The following BDKRB2 variants were observed in gnomAD, a reference collection of about 807,000 sequenced individuals.
The protein encoded by BDKRB2 is B2 bradykinin receptor.
BDKRB2 carries 6 observed loss-of-function variants against 4.0 expected under a neutral mutation model. The observed-to-expected ratio is 1.49, with a 90% CI of 0.81 to 2.93. The LOEUF (loss-of-function observed/expected upper bound fraction) is 2.93. Among genes scored for constraint, BDKRB2 ranks in the 30% most tolerant of loss-of-function variants. The pLI is 0.00. For missense variants in BDKRB2, 478 were observed against 520.1 expected (o/e 0.92, Z 0.79); for synonymous variants, 225 against 215.3 (o/e 1.05, Z -0.40).
At chr14:96,237,454 T>G (rs1890962909) in intron 2 of BDKRB2, among the ~76,000 whole-genome samples, 2 of 152,076 alleles carry the variant, frequency 1.3e-5, no homozygotes, top group African/African-American at 4.8e-5. Flanking sequence ...AACTTGGAAG[T>G]GAAGGGAAGA....
At chr14:96,227,759 G>A (rs531572282) in intron 1 of BDKRB2, among the ~76,000 whole-genome samples, 4 of 152,326 alleles carry the variant, frequency 2.6e-5, no homozygotes, top group South Asian at 4.1e-4. Flanking sequence ...TAGCCTGCTG[G>A]CCACACTCGG....
At chr14:96,234,281 C>T (rs1890884036) in intron 1 of BDKRB2, among the ~76,000 whole-genome samples, 1 of 152,160 alleles carries the variant, frequency 6.6e-6, no homozygotes, top group African/African-American at 2.4e-5. Context: ...AGCCTCAGCA[C>T]CCTCCCTACC....
intron 1 of BDKRB2, among the ~76,000 whole-genome samples, chr14:96,227,618 AACAC>A (rs371297952): frequency 6.6e-6 from 1 of 151,422 alleles, no homozygotes; most frequent in African/African-American, 2.4e-5. Context: ...TGCACACACA[AACAC>A]ACACACATAT....
intron 1 of BDKRB2, among the ~76,000 whole-genome samples, chr14:96,211,334 TGCACCTGGG>T (rs1890297674): frequency 2.6e-5 from 4 of 152,340 alleles, no homozygotes; most frequent in Admixed American, 6.5e-5. Flanking sequence ...CATGCGCTGC[TGCACCTGGG>T]GTACATCACC....
chr14:96,241,321 G>T lies in BDKRB2; in HGVS notation c.993G>T (p.Val331=), dbSNP rs1191068122. The T allele has an allele frequency of 1.9e-6, 3 of 1,614,016 alleles. No homozygotes were observed. Among genetic ancestry groups the T allele is most frequent in the Non-Finnish European group, 2.5e-6 (3 of 1,179,952 alleles). The stretch of plus-strand genomic sequence containing the variant: ...GCAACAGCTGCCTCAACCCACTGGT[G>T]TACGTGATCGTGGGCAAGCGCTTCC... ...AYSNSCLNPL[V]YVIVGKRFRK... Residue 331 remains valine, a synonymous_variant, in exon 3 of 3, where the codon GTG becomes GTT. Transcript: ENST00000554311.
At chr14:96,219,479 G>T (rs1890505737) in intron 1 of BDKRB2, among the ~76,000 whole-genome samples, 1 of 151,764 alleles carries the variant, frequency 6.6e-6, no homozygotes, top group Non-Finnish European at 1.5e-5. Context: ...GGGACTTCTG[G>T]ACAAGGGTGG....
chr14:96,226,134 T>C (rs1326516126), intron 1 of BDKRB2, among the ~76,000 whole-genome samples: 2 of 152,274 alleles, frequency 1.3e-5, no homozygotes, highest in Admixed American at 6.5e-5. Context: ...GGGTTTCTAT[T>C]TTTTCCTGGT....
At chr14:96,216,630 GA>G (rs148100815) in intron 1 of BDKRB2, among the ~76,000 whole-genome samples, 5,683 of 146,680 alleles carry the variant, frequency 0.039, 333 homozygotes, top group African/African-American at 0.13. Flanking sequence ...TTCAACAAAA[GA>G]AAAAGAAGAG....
At chr14:96,219,629 A>T (rs1890509003) in intron 1 of BDKRB2, among the ~76,000 whole-genome samples, 1 of 151,838 alleles carries the variant, frequency 6.6e-6, no homozygotes, top group African/African-American at 2.4e-5. Context: ...TGATATAGGC[A>T]TTTGCTGTCA....
At chr14:96,228,362 C>T (rs1890746222) in intron 1 of BDKRB2, among the ~76,000 whole-genome samples, 1 of 152,050 alleles carries the variant, frequency 6.6e-6, no homozygotes, top group Admixed American at 6.5e-5. Context: ...CCTCTTGGTA[C>T]CTGGGTCCTT....
chr14:96,206,871 G>A (rs949283390), intron 1 of BDKRB2, among the ~76,000 whole-genome samples: 7 of 152,116 alleles, frequency 4.6e-5, no homozygotes, highest in African/African-American at 1.7e-4. Context: ...CGGTGCTGGA[G>A]GCTGGGAAGC....
intron 1 of BDKRB2, among the ~76,000 whole-genome samples, chr14:96,224,756 C>T (rs1890655506): frequency 1.3e-5 from 2 of 152,222 alleles, no homozygotes; most frequent in Non-Finnish European, 1.5e-5. Flanking sequence ...CTCTAAGGAA[C>T]ATGCTTCTCT....
intron 1 of BDKRB2, among the ~76,000 whole-genome samples, chr14:96,235,422 A>G (rs1456885137): frequency 6.6e-6 from 1 of 151,022 alleles, no homozygotes; most frequent in Non-Finnish European, 1.5e-5. Context: ...TTTTCTTTCT[A>G]TGAGCCCAGG....
chr14:96,214,229 T>C (rs1890366743), intron 1 of BDKRB2, among the ~76,000 whole-genome samples: 1 of 152,186 alleles, frequency 6.6e-6, no homozygotes, highest in African/African-American at 2.4e-5. Flanking sequence ...CTGCAAGTGG[T>C]CTGGGCCATA....
rs1055241315 is a variant in BDKRB2 at position 96,237,636 on chromosome 14, T to C, written c.74+455T>C. 6 of 1,265,716 alleles carry C rather than the reference T, an allele frequency of 4.7e-6. No homozygotes were observed. In the African/African-American group the frequency reaches 7.7e-5, roughly 16 times the overall value. 78.4% of individuals were successfully genotyped at this position (1,265,716 alleles called of 1,614,324 possible). Reference sequence around the variant, plus strand: ...CCTGAGCCAGAGTAGAAGCAGAGGATAGGGAGATCTGTTCTTGGGGACAGC... The same window carrying C: ...CCTGAGCCAGAGTAGAAGCAGAGGACAGGGAGATCTGTTCTTGGGGACAGC... On this transcript the variant is annotated intron_variant, in intron 2 of 2. Transcript: ENST00000554311.
intron 2 of BDKRB2, chr14:96,239,208 T>C (rs533803848): frequency 1.3e-5 from 13 of 985,306 alleles, no homozygotes; most frequent in Non-Finnish European, 1.6e-5. Context: ...GCCCTCTGGG[T>C]TGTGCTTTGG....
At chr14:96,233,780 T>A (rs755739121) in intron 1 of BDKRB2, 1 of 152,158 alleles carries the variant, frequency 6.6e-6, no homozygotes, top group Non-Finnish European at 1.5e-5. Flanking sequence ...TGGAATTGAT[T>A]TCTAACAGCC....
intron 1 of BDKRB2, among the ~76,000 whole-genome samples, chr14:96,221,312 A>G (rs796455200): frequency 2.0e-5 from 3 of 152,288 alleles, no homozygotes; most frequent in Admixed American, 6.5e-5. Context: ...AATGAATGCA[A>G]TGTAAACAGG....
intron 2 of BDKRB2, chr14:96,237,917 G>A: frequency 2.4e-6 from 3 of 1,249,266 alleles, no homozygotes; most frequent in Non-Finnish European, 2.1e-6. Flanking sequence ...CTATACTTTG[G>A]TCTCTAGTGA....
Sources: gnomAD v4.1 joint callset for allele counts (sites outside exome capture counted in the v4.1 genomes callset) on GRCh38, gnomAD v4.1.1 for gene constraint, MANE v1.5 for transcripts, NCBI Gene and HGNC (gene_info 2026-07-23, HGNC 2026-07-21) for gene names.